The following CACNG3 variants were observed in gnomAD, a reference collection of about 807,000 sequenced individuals.
The protein encoded by CACNG3 is voltage-dependent calcium channel gamma-3 subunit.
CACNG3 carries 3 observed loss-of-function variants against 28.5 expected under a neutral mutation model. The observed-to-expected ratio is 0.11, with a 90% CI of 0.05 to 0.27. The LOEUF is 0.27. CACNG3 is among the 10% of genes least tolerant of loss of function. CACNG3 has a pLI of 1.00. For missense variants in CACNG3, 236 were observed against 414.4 expected (o/e 0.57, Z 3.74); for synonymous variants, 174 against 162.2 (o/e 1.07, Z -0.55).
At chr16:24,320,655 G>A (rs1307700541) in intron 1 of CACNG3, among the ~76,000 whole-genome samples, 1 of 152,100 alleles carries the variant, frequency 6.6e-6, no homozygotes, top group Non-Finnish European at 1.5e-5. Flanking sequence ...CTTGTTTTCA[G>A]TTACCTATGG....
At chr16:24,271,516 G>A (rs1054580470) in intron 1 of CACNG3, among the ~76,000 whole-genome samples, 1 of 152,112 alleles carries the variant, frequency 6.6e-6, no homozygotes, top group Non-Finnish European at 1.5e-5. Flanking sequence ...GGCTCAGGCT[G>A]GTATTTACTC....
intron 1 of CACNG3, among the ~76,000 whole-genome samples, chr16:24,302,434 G>T (rs1899125288): frequency 6.6e-6 from 1 of 151,944 alleles, no homozygotes; most frequent in Admixed American, 6.6e-5. Context: ...CATCAGGACG[G>T]GTTCCAGGTA....
chr16:24,305,492 G>T (rs1031852278), intron 1 of CACNG3, among the ~76,000 whole-genome samples: 2 of 151,716 alleles, frequency 1.3e-5, no homozygotes, highest in African/African-American at 4.8e-5. Context: ...CTGAGTAGCC[G>T]TTGCACCCAG....
intron 1 of CACNG3, among the ~76,000 whole-genome samples, chr16:24,280,994 G>A (rs1012012268): frequency 2.6e-5 from 4 of 151,212 alleles, no homozygotes; most frequent in African/African-American, 9.7e-5. Flanking sequence ...GACAGAAAGA[G>A]AGAAAAAGCC....
At chr16:24,280,541 C>T (rs578124042) in intron 1 of CACNG3, among the ~76,000 whole-genome samples, 23 of 152,070 alleles carry the variant, frequency 1.5e-4, no homozygotes, top group Non-Finnish European at 2.4e-4. Flanking sequence ...CCCAGCCAGG[C>T]GCAGTGGCTC....
At chr16:24,352,590 G>A (rs923245557) in intron 2 of CACNG3, among the ~76,000 whole-genome samples, 4 of 152,114 alleles carry the variant, frequency 2.6e-5, no homozygotes, top group Non-Finnish European at 5.9e-5. Flanking sequence ...CCAGGCTGGA[G>A]TGCAGTGGTA....
chr16:24,272,340 A>G (rs1898701446), intron 1 of CACNG3, among the ~76,000 whole-genome samples: 1 of 152,154 alleles, frequency 6.6e-6, no homozygotes, highest in Non-Finnish European at 1.5e-5. Context: ...AATGACAGCT[A>G]CTTCTGGTTT....
At chr16:24,349,730 G>A (rs1899915946) in intron 2 of CACNG3, among the ~76,000 whole-genome samples, 2 of 152,134 alleles carry the variant, frequency 1.3e-5, no homozygotes, top group South Asian at 4.1e-4. Flanking sequence ...CTTCTTCACT[G>A]CATCCTGTTT....
chr16:24,277,407 C>T (rs71391553), intron 1 of CACNG3, among the ~76,000 whole-genome samples: 2,445 of 152,248 alleles, frequency 0.016, 24 homozygotes, highest in South Asian at 0.027. Flanking sequence ...CCTTGCAATG[C>T]GCAGGACAGC....
chr16:24,266,055 T>G (rs1898605369), intron 1 of CACNG3, among the ~76,000 whole-genome samples: 1 of 152,222 alleles, frequency 6.6e-6, no homozygotes, highest in Admixed American at 6.5e-5. Context: ...TCAGATATTC[T>G]TTCTTTCCCA....
chr16:24,288,248 G>A (rs1427449317), intron 1 of CACNG3, among the ~76,000 whole-genome samples: 1 of 152,142 alleles, frequency 6.6e-6, no homozygotes, highest in Non-Finnish European at 1.5e-5. Flanking sequence ...ATAGCTTTCT[G>A]TTTATTGAAC....
chr16:24,325,569 G>A (rs955932570), intron 1 of CACNG3, among the ~76,000 whole-genome samples: 2 of 152,250 alleles, frequency 1.3e-5, no homozygotes, highest in African/African-American at 2.4e-5. Context: ...GCGGCTGGGA[G>A]AAGGTGCCCA....
intron 1 of CACNG3, among the ~76,000 whole-genome samples, chr16:24,328,640 G>A (rs1047939653): frequency 3.9e-5 from 6 of 152,084 alleles, no homozygotes; most frequent in African/African-American, 1.2e-4. Flanking sequence ...ACGGATCATC[G>A]TAAGCTTAGC....
chr16:24,269,774 GAAGAAAGAAAGAAA>G (rs1247481455), intron 1 of CACNG3, among the ~76,000 whole-genome samples: 12 of 132,334 alleles, frequency 9.1e-5, no homozygotes, highest in East Asian at 8.5e-4. Flanking sequence ...AAAAGAGAAA[GAAGAAAGAAAGAAA>G]AAGAAAGAAA....
intron 1 of CACNG3, among the ~76,000 whole-genome samples, chr16:24,344,559 T>A (rs1429888261): frequency 6.6e-6 from 1 of 152,148 alleles, no homozygotes; most frequent in Non-Finnish European, 1.5e-5. Context: ...AACTCTAAAA[T>A]ATGAACAAGC....
In CACNG3 at chr16:24,280,909, T is replaced by C. The variant is rs1223881873; in HGVS notation, c.211+23944T>C. Among the ~76,000 whole-genome samples, 3 of 147,468 alleles carry C rather than the reference T, an allele frequency of 2.0e-5. No individual in the cohort carries two copies. In the East Asian group the frequency reaches 6.0e-4, roughly 30 times the overall value. The stretch of plus-strand genomic sequence containing the variant: ...GTCTGAGGTCACAATAGAACAATAA[T>C]ATGGTTGTATAACCTAGAATTCATT... On this transcript the variant is annotated intron_variant, in intron 1 of 3. Coordinates refer to ENST00000005284, the MANE Select transcript of CACNG3 (RefSeq NM_006539.4).
chr16:24,360,116 A>G (rs1297148575), intron 3 of CACNG3, among the ~76,000 whole-genome samples: 4 of 152,198 alleles, frequency 2.6e-5, no homozygotes, highest in African/African-American at 9.6e-5. Context: ...ATAATGAGGG[A>G]CAACCTCCAT....
At chr16:24,288,447 C>A (rs1329183475) in intron 1 of CACNG3, among the ~76,000 whole-genome samples, 1 of 152,156 alleles carries the variant, frequency 6.6e-6, no homozygotes, top group Non-Finnish European at 1.5e-5. Flanking sequence ...TTAGGAGTAT[C>A]GCTCGTGCTT....
chr16:24,341,791 T>C (rs1013913753), intron 1 of CACNG3, among the ~76,000 whole-genome samples: 1 of 152,096 alleles, frequency 6.6e-6, no homozygotes, highest in African/African-American at 2.4e-5. Flanking sequence ...CAGGCAAGAA[T>C]ATAGAGCCAG....
Sources: allele counts gnomAD v4.1 joint callset (sites outside exome capture counted in the v4.1 genomes callset), GRCh38; gene constraint gnomAD v4.1.1; transcripts MANE v1.5; gene names NCBI Gene and HGNC (gene_info 2026-07-23, HGNC 2026-07-21).